PPP2R3A: variants seen among roughly 807,000 people sequenced by gnomAD.
PPP2R3A encodes protein phosphatase 2 regulatory subunit B''alpha.
In PPP2R3A, 80 loss-of-function variants were observed where a neutral mutation model predicts 106.9. That is an observed-to-expected ratio of 0.75 (90% confidence interval 0.62 to 0.90). PPP2R3A has a LOEUF of 0.90. Ranked by LOEUF, PPP2R3A falls within the 40% of genes least tolerant of loss-of-function variation. PPP2R3A has a pLI of 0.00. For synonymous variants in PPP2R3A, 483 were observed against 468.3 expected (o/e 1.03, Z -0.41); for missense variants, 1,386 against 1,350.4 (o/e 1.03, Z -0.41).
chr3:135,981,725 A>T (rs936664693), intron 1 of PPP2R3A, among the ~76,000 whole-genome samples: 1 of 151,806 alleles, frequency 6.6e-6, no homozygotes, highest in Non-Finnish European at 1.5e-5. Context: ...CCAAGAACTC[A>T]TAAGTTTTAT....
chr3:136,049,928 T>A (rs1486389951), intron 5 of PPP2R3A, among the ~76,000 whole-genome samples: 1 of 151,770 alleles, frequency 6.6e-6, no homozygotes, highest in Non-Finnish European at 1.5e-5. Context: ...ATAACTAGAA[T>A]CAAGTGCATG....
chr3:136,000,114 A>T (rs1485637926), intron 1 of PPP2R3A, among the ~76,000 whole-genome samples: 1 of 152,114 alleles, frequency 6.6e-6, no homozygotes, highest in Non-Finnish European at 1.5e-5. Context: ...TTCAGATGTC[A>T]GTGAGGTCTT....
At chr3:136,025,988 TTTTCCTAAATCATGGGC>T (rs1934640178) in intron 2 of PPP2R3A, among the ~76,000 whole-genome samples, 1 of 152,158 alleles carries the variant, frequency 6.6e-6, no homozygotes, top group Non-Finnish European at 1.5e-5. Flanking sequence ...TCCCCTCCCT[TTTTCCTAAATCATGGGC>T]AATCTTAATT....
At chr3:136,042,885 T>TA (rs1935334203) in intron 4 of PPP2R3A, among the ~76,000 whole-genome samples, 2 of 152,092 alleles carry the variant, frequency 1.3e-5, no homozygotes, top group Non-Finnish European at 2.9e-5. Flanking sequence ...GAGCCCCAAG[T>TA]GTGGCTATTT....
chr3:136,035,165 A>G (rs147631743), intron 3 of PPP2R3A, among the ~76,000 whole-genome samples: 106 of 152,268 alleles, frequency 7.0e-4, no homozygotes, highest in African/African-American at 2.5e-3. Flanking sequence ...ATTCTTATCA[A>G]TTCTTCAATT....
intron 13 of PPP2R3A, among the ~76,000 whole-genome samples, chr3:136,141,504 C>T (rs1167167780): frequency 6.6e-6 from 1 of 152,188 alleles, no homozygotes; most frequent in Admixed American, 6.5e-5. Flanking sequence ...GAAGATTATT[C>T]TGCCAGATTA....
intron 6 of PPP2R3A, among the ~76,000 whole-genome samples, chr3:136,077,605 A>G (rs2107921902): frequency 6.7e-6 from 1 of 150,016 alleles, no homozygotes; most frequent in East Asian, 2.0e-4. Context: ...GTGGGTAGGA[A>G]TGACTGCAGG....
chr3:136,070,412 G>A lies in PPP2R3A; in HGVS notation c.2470-66G>A. 5.2e-6 allele frequency: 7 copies of A among 1,357,464 alleles called. No homozygotes were observed. In the East Asian group the frequency reaches 1.5e-4, roughly 28 times the overall value. 84.1% of individuals were successfully genotyped at this position (1,357,464 alleles called of 1,614,324 possible). ...TGCTCAACTGGCAACATACAGGAAG[G>A]AAAAACTTCCATAGGCATAATTTTT... On this transcript the variant is annotated intron_variant, in intron 5 of 13. Coordinates refer to ENST00000264977, the MANE Select transcript of PPP2R3A (RefSeq NM_002718.5).
At chr3:136,040,795 T>C in intron 3 of PPP2R3A, 64 bp from the exon 4 acceptor site, 4 of 1,386,178 alleles carry the variant, frequency 2.9e-6, no homozygotes, top group Non-Finnish European at 3.9e-6. Flanking sequence ...CAAAGATCTT[T>C]TCTTTGGCCG....
At chr3:135,969,902 A>G (rs1379070560) in intron 1 of PPP2R3A, among the ~76,000 whole-genome samples, 1 of 152,190 alleles carries the variant, frequency 6.6e-6, no homozygotes, top group South Asian at 2.1e-4. Context: ...CTTCTATTTC[A>G]CTACAGAGCC....
At chr3:135,975,245 A>G in intron 1 of PPP2R3A, among the ~76,000 whole-genome samples, 1 of 152,120 alleles carries the variant, frequency 6.6e-6, no homozygotes, top group Non-Finnish European at 1.5e-5. Context: ...GAGTGTGTTG[A>G]TTCTACTGAG....
chr3:136,135,146 A>AG (rs1203421480), intron 13 of PPP2R3A, among the ~76,000 whole-genome samples: 1 of 152,102 alleles, frequency 6.6e-6, no homozygotes, highest in African/African-American at 2.4e-5. Context: ...ACAGGTGAGG[A>AG]GGGGTCACAA....
rs141102374 is a variant in PPP2R3A, at chr3:136,014,524, G to A, written c.1995+11031G>A. Among the ~76,000 whole-genome samples, 818 of 152,216 alleles carry A rather than the reference G, an allele frequency of 5.4e-3. 13 individuals carry two copies. Among genetic ancestry groups the A allele is most frequent in the African/African-American group, 0.018 (733 of 41,544 alleles). On this transcript the variant is annotated intron_variant, in intron 2 of 13. Coordinates refer to ENST00000264977, the MANE Select transcript of PPP2R3A (RefSeq NM_002718.5). ...GCAGTGTTTTGTGGTTTTCCTTGCA[G>A]AGGTCTTTCACCTCCTCGGTTAGGT... is the stretch of plus-strand genomic sequence containing the variant.
At chr3:136,137,773 C>T (rs1403627287) in intron 13 of PPP2R3A, among the ~76,000 whole-genome samples, 2 of 151,924 alleles carry the variant, frequency 1.3e-5, no homozygotes, top group Non-Finnish European at 2.9e-5. Context: ...GATCTCCTGA[C>T]CTCGTGATCC....
chr3:136,025,569 AACTC>A (rs1934617663), intron 2 of PPP2R3A, among the ~76,000 whole-genome samples: 2 of 152,064 alleles, frequency 1.3e-5, no homozygotes, highest in Admixed American at 6.6e-5. Context: ...CTCTTTATAA[AACTC>A]ACATTTTTAA....
At chr3:136,117,284 A>G (rs1006231538) in intron 13 of PPP2R3A, among the ~76,000 whole-genome samples, 5 of 152,242 alleles carry the variant, frequency 3.3e-5, no homozygotes, top group African/African-American at 7.2e-5. Flanking sequence ...AAGAGAAAGC[A>G]GGAAAGATCC....
At chr3:135,991,707 C>T (rs971507316) in intron 1 of PPP2R3A, among the ~76,000 whole-genome samples, 14 of 152,108 alleles carry the variant, frequency 9.2e-5, no homozygotes, top group African/African-American at 3.4e-4. Flanking sequence ...CCTGTTTTTC[C>T]TGAAGAAAAG....
chr3:136,040,385 C>T (rs1374392216), intron 3 of PPP2R3A, among the ~76,000 whole-genome samples: 1 of 152,054 alleles, frequency 6.6e-6, no homozygotes, highest in Non-Finnish European at 1.5e-5. Context: ...ACTAAAAATA[C>T]AAAAATTTGC....
chr3:136,139,925 G>C (rs1364154075), intron 13 of PPP2R3A, among the ~76,000 whole-genome samples: 2 of 149,372 alleles, frequency 1.3e-5, no homozygotes, highest in Admixed American at 1.3e-4. Flanking sequence ...AGAATCGCTT[G>C]AACCCAGGAG....
Sources: gnomAD v4.1 joint callset for allele counts (sites outside exome capture counted in the v4.1 genomes callset) on GRCh38, gnomAD v4.1.1 for gene constraint, MANE v1.5 for transcripts, NCBI Gene and HGNC (gene_info 2026-07-23, HGNC 2026-07-21) for gene names.